CHSY1: variants seen among roughly 807,000 people sequenced by gnomAD.
The protein encoded by CHSY1 is chondroitin sulfate synthase 1, also known as N-acetylgalactosaminyl-proteoglycan 3-beta-glucuronosyltransferase 1.
CHSY1 carries 13 observed loss-of-function variants against 59.8 expected under a neutral mutation model. The observed-to-expected ratio is 0.22, with a 90% confidence interval of 0.14 to 0.35. The LOEUF (loss-of-function observed/expected upper bound fraction) is 0.35. Among genes scored for constraint, CHSY1 ranks in the 10% least tolerant of loss-of-function variants. The pLI is 1.00. For synonymous variants in CHSY1, 459 were observed against 401.2 expected, an observed-to-expected ratio of 1.14 and a Z score of -1.72; for missense variants, 947 against 1,030.6, an observed-to-expected ratio of 0.92 and a Z score of 1.11.
intron 2 of CHSY1, among the ~76,000 whole-genome samples, chr15:101,211,181 G>A (rs1032269147): frequency 1.1e-4 from 16 of 152,178 alleles, no homozygotes; most frequent in African/African-American, 9.6e-5. Flanking sequence ...AAAATTAGCC[G>A]GGCGTGGTGG....
intron 2 of CHSY1, among the ~76,000 whole-genome samples, chr15:101,222,443 A>T (rs774862231): frequency 2.0e-4 from 31 of 152,232 alleles, no homozygotes; most frequent in Non-Finnish European, 4.0e-4. Flanking sequence ...CCACTTGACT[A>T]TGCTACACAG....
Position 101,178,522 on chromosome 15 carries a change from G to A in CHSY1, c.1275C>T (p.Arg425=). 1 of 1,614,260 alleles carries A rather than the reference G, an allele frequency of 6.2e-7. No individual in the cohort carries two copies. Among genetic ancestry groups the A allele is most frequent in the Non-Finnish European group, 8.5e-7 (1 of 1,180,046 alleles). ...ACTGGATCTCTTTGAAGTCAATGAT[G>A]CGCCCTCTGGTCTTGGCGTTGGCAT... The part of the protein sequence containing the change: ...MINANAKTRG[R]IIDFKEIQYG... Residue 425 remains arginine, a synonymous_variant, in exon 3 of 3, where the codon CGC becomes CGT. Coordinates refer to ENST00000254190, the MANE Select transcript of CHSY1 (RefSeq NM_014918.5).
intron 2 of CHSY1, among the ~76,000 whole-genome samples, chr15:101,221,490 CTCTA>C (rs1214425073): frequency 1.3e-5 from 2 of 152,178 alleles, no homozygotes; most frequent in Non-Finnish European, 2.9e-5. Flanking sequence ...CTCTCCCTCT[CTCTA>C]TATATATAAA....
At chr15:101,181,938 A>G (rs2141239502) in intron 2 of CHSY1, among the ~76,000 whole-genome samples, 1 of 152,360 alleles carries the variant, frequency 6.6e-6, no homozygotes, top group South Asian at 2.1e-4. Context: ...TGAATTATAT[A>G]CTGCATTCTT....
intron 2 of CHSY1, among the ~76,000 whole-genome samples, chr15:101,208,393 C>T (rs1000600690): frequency 6.6e-6 from 1 of 150,786 alleles, no homozygotes; most frequent in Non-Finnish European, 1.5e-5. Flanking sequence ...AAAGAAATTG[C>T]TCAAACAGTT....
intron 2 of CHSY1, among the ~76,000 whole-genome samples, chr15:101,201,014 G>A (rs1596439208): frequency 6.6e-6 from 1 of 151,800 alleles, no homozygotes; most frequent in African/African-American, 2.4e-5. Flanking sequence ...CTGAGCCAGG[G>A]TCTGTGGGAG....
Position 101,225,145 on chromosome 15 carries a change from T to C in CHSY1, c.816+9937A>G, listed in dbSNP as rs138538167. 1.7e-4 allele frequency among the ~76,000 whole-genome samples: 26 copies of C among 152,346 alleles called. No homozygotes were observed. In the East Asian group the frequency reaches 3.1e-3, roughly 18 times the overall value. On this transcript the variant is annotated intron_variant, in intron 2 of 2. Coordinates refer to ENST00000254190, the MANE Select transcript of CHSY1 (RefSeq NM_014918.5). ...GTGCAGTGGCACAGTCACAGCTCCC[T>C]GCAGCCTCAACCTTCCAGGCTCAAG...
At chr15:101,199,258 C>T (rs1330784129) in intron 2 of CHSY1, among the ~76,000 whole-genome samples, 3 of 152,210 alleles carry the variant, frequency 2.0e-5, no homozygotes, top group Non-Finnish European at 4.4e-5. Context: ...AATCCCTGCA[C>T]TTTGGGAGGC....
At chr15:101,179,612 C>A (rs893697529) in intron 2 of CHSY1, among the ~76,000 whole-genome samples, 1 of 152,204 alleles carries the variant, frequency 6.6e-6, no homozygotes, top group Non-Finnish European at 1.5e-5. Context: ...TGGCCTCCTG[C>A]GTACGAGGAA....
rs945930437 is a variant in CHSY1 at position 101,188,049 on chromosome 15, T to G, written c.817-9069A>C. 9.9e-5 allele frequency: 98 copies of G among 985,486 alleles called. No homozygotes were observed. The African/African-American group carries it at 1.6e-3, about 16-fold the overall frequency. 61.0% of individuals were successfully genotyped at this position (985,486 alleles called of 1,614,324 possible). ...TTGTCCGCTGCAAGGAGAGCCAACA[T>G]TCTCATTAAGTCCTCGTTCTTCCTG... is the stretch of plus-strand genomic sequence containing the variant. On this transcript the variant is annotated intron_variant, in intron 2 of 2. Coordinates refer to ENST00000254190, the MANE Select transcript of CHSY1 (RefSeq NM_014918.5).
chr15:101,206,735 C>T (rs1256752868), intron 2 of CHSY1, among the ~76,000 whole-genome samples: 1 of 152,090 alleles, frequency 6.6e-6, no homozygotes, highest in South Asian at 2.1e-4. Flanking sequence ...TTTTATTTTC[C>T]CTACACAGAA....
At chr15:101,216,395 T>C (rs1878242798) in intron 2 of CHSY1, among the ~76,000 whole-genome samples, 1 of 152,226 alleles carries the variant, frequency 6.6e-6, no homozygotes, top group Non-Finnish European at 1.5e-5. Context: ...CTCCTAGATA[T>C]TTACCCAACT....
chr15:101,217,396 T>C (rs1259076019), intron 2 of CHSY1, among the ~76,000 whole-genome samples: 1 of 152,220 alleles, frequency 6.6e-6, no homozygotes, highest in East Asian at 1.9e-4. Context: ...GGTATTTCCA[T>C]GTTCTGTCAT....
chr15:101,186,263 T>C (rs911568058), intron 2 of CHSY1, among the ~76,000 whole-genome samples: 1 of 150,418 alleles, frequency 6.6e-6, no homozygotes, highest in African/African-American at 2.5e-5. Flanking sequence ...GAGGTTGCAG[T>C]GAGCCGAGAT....
intron 2 of CHSY1, among the ~76,000 whole-genome samples, chr15:101,190,224 G>A (rs2038426385): frequency 7.0e-6 from 1 of 141,880 alleles, no homozygotes; most frequent in African/African-American, 2.6e-5. Context: ...CTGGAGAGGG[G>A]ACTGAGGGAA....
intron 2 of CHSY1, among the ~76,000 whole-genome samples, chr15:101,230,378 C>T (rs1323867848): frequency 2.0e-5 from 3 of 152,092 alleles, no homozygotes; most frequent in Non-Finnish European, 4.4e-5. Context: ...GAACACAAAT[C>T]ATCTCTGTGA....
chr15:101,208,984 T>G (rs1212139198), intron 2 of CHSY1, among the ~76,000 whole-genome samples: 1 of 152,182 alleles, frequency 6.6e-6, no homozygotes, highest in Non-Finnish European at 1.5e-5. Context: ...TCATTTATTC[T>G]GCCAAGAAAC....
At chr15:101,199,238 T>C (rs993567264) in intron 2 of CHSY1, among the ~76,000 whole-genome samples, 4 of 152,214 alleles carry the variant, frequency 2.6e-5, no homozygotes, top group African/African-American at 9.7e-5. Flanking sequence ...GCGCAGTGGC[T>C]CATGCCTGTA....
intron 2 of CHSY1, among the ~76,000 whole-genome samples, chr15:101,195,220 CAT>C (rs2038491952): frequency 6.6e-6 from 1 of 152,184 alleles, no homozygotes; most frequent in African/African-American, 2.4e-5. Context: ...AACATATTCA[CAT>C]ATAAGATTAC....
Sources: gnomAD v4.1 joint callset for allele counts (sites outside exome capture counted in the v4.1 genomes callset) on GRCh38, gnomAD v4.1.1 for gene constraint, MANE v1.5 for transcripts, NCBI Gene and HGNC (gene_info 2026-07-23, HGNC 2026-07-21) for gene names.